The following ADRA1B variants were observed in gnomAD, a reference collection of about 807,000 sequenced individuals.
The protein encoded by ADRA1B is alpha-1B adrenergic receptor.
ADRA1B carries 17 observed loss-of-function variants against 17.9 expected under a neutral mutation model. The ratio of observed to expected loss-of-function variants is 0.95; its 90% CI spans 0.65 to 1.42. The LOEUF is 1.42. ADRA1B is among the 40% of genes most tolerant of loss of function. The pLI, the probability that ADRA1B is intolerant of heterozygous loss-of-function variation, is 0.00. For missense variants in ADRA1B, 681 were observed against 722.1 expected (o/e 0.94, Z 0.65); for synonymous variants, 366 against 327.6 (o/e 1.12, Z -1.27).
At chr5:159,931,384 A>T (rs1010577538) in intron 1 of ADRA1B, among the ~76,000 whole-genome samples, 2 of 141,728 alleles carry the variant, frequency 1.4e-5, no homozygotes, top group Admixed American at 1.4e-4. Context: ...ACAGAGTAAG[A>T]CCCTATCTCA....
chr5:159,867,702 T>A (rs1434401171), intron 1 of ADRA1B, among the ~76,000 whole-genome samples: 2 of 152,314 alleles, frequency 1.3e-5, no homozygotes, highest in East Asian at 3.9e-4. Context: ...AAGACTGAAA[T>A]CAAAGATGGA....
chr5:159,874,993 C>A (rs2113077276), intron 1 of ADRA1B, among the ~76,000 whole-genome samples: 1 of 152,250 alleles, frequency 6.6e-6, no homozygotes, highest in South Asian at 2.1e-4. Flanking sequence ...AAACTGGTGT[C>A]TTCACAGCAC....
At chr5:159,865,378 A>C (rs892486069) in intron 1 of ADRA1B, among the ~76,000 whole-genome samples, 3 of 152,148 alleles carry the variant, frequency 2.0e-5, no homozygotes, top group African/African-American at 7.2e-5. Context: ...GGGAAAAAAA[A>C]AACAACACTG....
intron 1 of ADRA1B, chr5:159,868,426 G>A (rs183781187): frequency 1.4e-4 from 22 of 152,302 alleles, no homozygotes; most frequent in Admixed American, 1.1e-3. Context: ...TAGGTGTGAA[G>A]AATAAATAGG....
At chr5:159,979,231 G>A in the ADRA1B span, among the ~76,000 whole-genome samples, 243 of 152,316 alleles carry the variant, frequency 1.6e-3, no homozygotes, top group African/African-American at 5.1e-3. Flanking sequence ...CACGAGTTAA[G>A]TATTAGAACC....
intron 1 of ADRA1B, among the ~76,000 whole-genome samples, chr5:159,939,320 T>C (rs62377692): frequency 0.23 from 24,723 of 107,338 alleles, 2,474 homozygotes; most frequent in Admixed American, 0.29. Context: ...TGTGTGTGTG[T>C]GTGCGCGCGC....
At chr5:159,899,808 T>A (rs1196049641) in intron 1 of ADRA1B, among the ~76,000 whole-genome samples, 1 of 152,194 alleles carries the variant, frequency 6.6e-6, no homozygotes, top group East Asian at 1.9e-4. Flanking sequence ...GCTATTAATG[T>A]GTTGTGTGTC....
At chr5:159,931,969 C>A (rs143809934) in intron 1 of ADRA1B, among the ~76,000 whole-genome samples, 32 of 152,138 alleles carry the variant, frequency 2.1e-4, no homozygotes, top group African/African-American at 7.7e-4. Flanking sequence ...ATAGCACCAT[C>A]GATATAACCA....
At chr5:159,946,037 G>T (rs183387448) in intron 1 of ADRA1B, among the ~76,000 whole-genome samples, 1 of 152,272 alleles carries the variant, frequency 6.6e-6, no homozygotes, top group East Asian at 1.9e-4. Context: ...GTGAGCCACC[G>T]CGCCCAGCCC....
downstream of ADRA1B, among the ~76,000 whole-genome samples, chr5:159,976,298 T>C (rs903398590): frequency 7.2e-5 from 11 of 152,114 alleles, no homozygotes; most frequent in Non-Finnish European, 5.9e-5. Flanking sequence ...TTTGGTCAGA[T>C]TCCAGGTTTT....
At chr5:159,933,365 G>A (rs556289285) in intron 1 of ADRA1B, among the ~76,000 whole-genome samples, 1 of 152,322 alleles carries the variant, frequency 6.6e-6, no homozygotes, top group Admixed American at 6.5e-5. Context: ...AGACTCCCGG[G>A]AAAGGCCTCA....
chr5:159,946,556 A>C (rs1319659210), intron 1 of ADRA1B, among the ~76,000 whole-genome samples: 3 of 152,160 alleles, frequency 2.0e-5, no homozygotes, highest in Non-Finnish European at 2.9e-5. Context: ...CGTGCTGTAA[A>C]TCCATATTCT....
chr5:159,910,165 G>A (rs752028589), intron 1 of ADRA1B, among the ~76,000 whole-genome samples: 5 of 152,058 alleles, frequency 3.3e-5, no homozygotes, highest in South Asian at 4.2e-4. Flanking sequence ...GTGTTTTTAC[G>A]AGCCAGCTCC....
intron 1 of ADRA1B, among the ~76,000 whole-genome samples, chr5:159,937,456 T>G (rs1754988166): frequency 6.6e-6 from 1 of 151,856 alleles, no homozygotes; most frequent in African/African-American, 2.4e-5. Context: ...TGTTTTTTTT[T>G]TTTGAGACAG....
intron 1 of ADRA1B, among the ~76,000 whole-genome samples, chr5:159,918,627 G>A (rs1754394479): frequency 6.6e-6 from 1 of 152,198 alleles, no homozygotes; most frequent in Non-Finnish European, 1.5e-5. Context: ...CCAAATCCTG[G>A]TAAGATGGAA....
At chr5:159,869,752 G>C (rs1753711257) in intron 1 of ADRA1B, 1 of 152,184 alleles carries the variant, frequency 6.6e-6, no homozygotes, top group South Asian at 2.1e-4. Flanking sequence ...TAGTGTCCCT[G>C]TATCTCAGTC....
At chr5:159,874,084 C>T (rs1753778137) in intron 1 of ADRA1B, among the ~76,000 whole-genome samples, 2 of 152,152 alleles carry the variant, frequency 1.3e-5, no homozygotes, top group Admixed American at 1.3e-4. Flanking sequence ...TTGGGGTCTT[C>T]TCTCTAGAGG....
intron 1 of ADRA1B, among the ~76,000 whole-genome samples, chr5:159,953,780 A>G (rs1275984428): frequency 6.6e-6 from 1 of 152,230 alleles, no homozygotes; most frequent in Non-Finnish European, 1.5e-5. Flanking sequence ...GAGATGTTCA[A>G]TACAGACTTG....
At chr5:159,966,319 C>T (rs917212912) in intron 1 of ADRA1B, among the ~76,000 whole-genome samples, 8 of 152,192 alleles carry the variant, frequency 5.3e-5, no homozygotes, top group Non-Finnish European at 1.2e-4. Context: ...CCAGAGTGCT[C>T]ATAAGGACTC....
Sources: allele counts gnomAD v4.1 joint callset (sites outside exome capture counted in the v4.1 genomes callset), GRCh38; gene constraint gnomAD v4.1.1; transcripts MANE v1.5; gene names NCBI Gene and HGNC (gene_info 2026-07-23, HGNC 2026-07-21).